The following KMT2A variants were observed in gnomAD, a reference collection of about 807,000 sequenced individuals.
KMT2A encodes the protein lysine methyltransferase 2A, also known as histone-lysine N-methyltransferase 2A.
KMT2A carries 16 observed loss-of-function variants against 345.3 expected under a neutral mutation model. That is an observed-to-expected ratio of 0.05 (90% CI 0.03 to 0.07). KMT2A has a LOEUF of 0.07. KMT2A is among the 10% of genes least tolerant of loss of function. The pLI is 1.00. For synonymous variants in KMT2A, 1,599 were observed against 1,778.6 expected (o/e 0.90, Z 2.54); for missense variants, 3,272 against 4,841.6 (o/e 0.68, Z 9.62).
chr11:118,478,785 C>T (rs1313417184), intron 5 of KMT2A, among the ~76,000 whole-genome samples: 1 of 151,968 alleles, frequency 6.6e-6, no homozygotes, highest in Admixed American at 6.6e-5. Flanking sequence ...GAGACAGGGT[C>T]TTGCTCTGTT....
intron 8 of KMT2A, among the ~76,000 whole-genome samples, chr11:118,483,790 G>T (rs9332794): frequency 0.041 from 6,285 of 152,240 alleles, 181 homozygotes; most frequent in South Asian, 0.067. Flanking sequence ...CCAGCACTTT[G>T]GGGGGCCAAG....
At chr11:118,513,541 AT>A (rs1432836323) in intron 31 of KMT2A, among the ~76,000 whole-genome samples, 2 of 151,966 alleles carry the variant, frequency 1.3e-5, no homozygotes, top group Non-Finnish European at 2.9e-5. Flanking sequence ...CACCCTGTGT[AT>A]TTTTTTATAC....
Position 118,495,028 on chromosome 11 carries a change from G to A in KMT2A, c.5363+261G>A, listed in dbSNP as rs1393100747. 2.0e-5 allele frequency among the ~76,000 whole-genome samples: 3 copies of A among 152,214 alleles called. No individual in the cohort carries two copies. The highest frequency in any genetic ancestry group is 7.2e-5 in the African/African-American group (3 of 41,454). ...TACAATACATGTGTGGTACAGCCAT[G>A]TAGCTGGCCTTGTTATAAATGGGTT... is the stretch of plus-strand genomic sequence containing the variant. On this transcript the variant is annotated intron_variant, in intron 18 of 35. Coordinates refer to ENST00000534358, the MANE Select transcript of KMT2A (RefSeq NM_001197104.2). This position sits in a 1 kb window ranked among gnomAD's most constrained non-coding sequence, Gnocchi z 4.1.
rs1555039481 is a variant in KMT2A at position 118,482,103 on chromosome 11, A to G, written c.4012+11A>G. Reference sequence around the variant, plus strand: ...CACCACCAGAATCAGGTGAGTGAGGAGGGCAAGAAGGAATTGCTGAACCAC... The same window carrying G: ...CACCACCAGAATCAGGTGAGTGAGGGGGGCAAGAAGGAATTGCTGAACCAC... On this transcript the variant is annotated intron_variant, in intron 7 of 35. Transcript: ENST00000534358. 6 of 1,582,170 alleles carry G rather than the reference A, an allele frequency of 3.8e-6. No homozygotes were observed. The highest frequency in any genetic ancestry group is 5.1e-6 in the Non-Finnish European group (6 of 1,168,298).
chr11:118,490,299 T>G lies in KMT2A; in HGVS notation c.4696+50T>G, dbSNP rs782399714. ...AGCTTTCGGAGGTTGTACTTGGTGT[T>G]CTGGAGGTGAACTAGACTCTAGTGA... is the stretch of plus-strand genomic sequence containing the variant. On this transcript the variant is annotated intron_variant, in intron 13 of 35. Transcript: ENST00000534358. The surrounding 1 kb of genome is among the most constrained non-coding windows in gnomAD (Gnocchi z 4.2). 1.1e-4 allele frequency: 173 copies of G among 1,507,702 alleles called. No individual in the cohort carries two copies. Among genetic ancestry groups the G allele is most frequent in the Admixed American group, 5.5e-4 (22 of 39,708 alleles). The allele number at this position is 1,507,702 out of a possible 1,614,324, so 93.4% of individuals were successfully genotyped here. A position where few individuals can be genotyped will look rare whatever the true frequency, so the allele number is the denominator to read the frequency against.
chr11:118,491,318 G>A lies in KMT2A; in HGVS notation c.4819G>A (p.Asp1607Asn), dbSNP rs782458108. Residue 1607 changes from aspartate to asparagine, a missense_variant and splice_region_variant, in exon 14 of 36, where the codon GAT (aspartate) becomes AAT (asparagine). This residue lies in a region of KMT2A where 120 missense variants were observed against 280.4 expected (regional missense o/e 0.43). Coordinates refer to ENST00000534358, the MANE Select transcript of KMT2A (RefSeq NM_001197104.2). The surrounding 1 kb of genome is among the most constrained non-coding windows in gnomAD (Gnocchi z 4.2). ...ATGTGAGAATCTTTCAGGTACAGAA[G>A]GTTGGAGTCTTTTTATTTCAGTTTT... ...SKCENLSGTE[D>N]EMYEILSNLP... The A allele has an allele frequency of 1.9e-6, 3 of 1,611,768 alleles. No homozygotes were observed. Among genetic ancestry groups the A allele is most frequent in the South Asian group, 2.2e-5 (2 of 90,554 alleles).
intron 29 of KMT2A, among the ~76,000 whole-genome samples, 176 bp downstream of exon 29, chr11:118,509,376 G>A (rs1555049482): frequency 6.6e-6 from 1 of 152,068 alleles, no homozygotes; most frequent in East Asian, 1.9e-4. Flanking sequence ...TCTCGGTGCA[G>A]TGTTCTTCCA....
At position 118,525,955 on chromosome 11, in the gene KMT2A, T is replaced by C. The variant is rs548175500; in HGVS notation, c.*3783T>C. The C allele has an allele frequency of 4.5e-6, 1 of 222,530 alleles. No individual in the cohort carries two copies. The highest frequency in any genetic ancestry group is 5.7e-5 in the Admixed American group (1 of 17,404). 13.8% of individuals were successfully genotyped at this position (222,530 alleles called of 1,614,324 possible). On this transcript the variant is annotated 3_prime_UTR_variant, in exon 36 of 36. Coordinates refer to ENST00000534358, the MANE Select transcript of KMT2A (RefSeq NM_001197104.2). ...CACTCTGGAAACTTGCAACTTTTTG[T>C]TTGTTTTGGTTTTCAAATAAATATA...
At position 118,478,067 on chromosome 11, in the gene KMT2A, A is replaced by G; in HGVS notation, c.3435A>G (p.Pro1145=). Residue 1145 remains proline, a synonymous_variant, in exon 5 of 36, where the codon CCA becomes CCG. Coordinates refer to ENST00000534358, the MANE Select transcript of KMT2A (RefSeq NM_001197104.2). ...VTRNKAPQEP[P]VKKGRRSRRC... ...GAAACAAGGCACCCCAGGAACCTCC[A>G]GTAAAGAAAGGACGTCGATCGAGGC... The G allele has an allele frequency of 6.2e-7, 1 of 1,614,164 alleles. No homozygotes were observed. The highest frequency in any genetic ancestry group is 8.5e-7 in the Non-Finnish European group (1 of 1,180,024).
At position 118,468,826 on chromosome 11, in the gene KMT2A, C is replaced by A; in HGVS notation, c.484C>A (p.Pro162Thr). The change falls in exon 2 of 36, where the codon CCC (proline) becomes ACC (threonine). Residue 162 changes from proline to threonine, a missense_variant. By Grantham distance (38) the Pro-to-Thr change is conservative. Coordinates refer to ENST00000534358, the MANE Select transcript of KMT2A (RefSeq NM_001197104.2). ...AGATGAAGAAGTCAGAGTGCGAAGT[C>A]CCACAAGGTCTCCTTCAGGTACGGC... ...GSDEEVRVRSPTRSPSVKTSP... is the reference protein window; with the variant it reads ...GSDEEVRVRSTTRSPSVKTSP... The A allele has an allele frequency of 6.2e-7, 1 of 1,613,018 alleles. No homozygotes were observed. The highest frequency in any genetic ancestry group is 8.5e-7 in the Non-Finnish European group (1 of 1,179,278).
At position 118,521,130 on chromosome 11, in the gene KMT2A, T is replaced by G; in HGVS notation, c.11514-158T>G. 2.6e-6 allele frequency: 2 copies of G among 757,702 alleles called. No individual in the cohort carries two copies. Among genetic ancestry groups the G allele is most frequent in the Non-Finnish European group, 4.4e-6 (2 of 457,776 alleles). The allele number at this position is 757,702 out of a possible 1,614,324, so 46.9% of individuals were successfully genotyped here. A position where few individuals can be genotyped will look rare whatever the true frequency, so the allele number is the denominator to read the frequency against. On this transcript the variant is annotated intron_variant, in intron 34 of 35. Transcript: ENST00000534358. This position sits in a 1 kb window ranked among gnomAD's most constrained non-coding sequence, Gnocchi z 5.3. ...TGGAAATAACTTTCATCTTTGGCCA[T>G]GTGTTAGATGGCCAAATCAAGTGGG...
chr11:118,482,381 C>G, intron 7 of KMT2A, 41 bp from the exon 8 acceptor site: 1 of 1,405,202 alleles, frequency 7.1e-7, no homozygotes, highest in South Asian at 1.2e-5. Flanking sequence ...CTAAAGTAGT[C>G]GTTGCCAGCA....
Position 118,506,584 on chromosome 11 carries a change from G to C in KMT2A, c.10692G>C (p.Arg3564=), listed in dbSNP as rs781851809. ...NGKKHKVSHL[R]TSSSEAHIPD... is the part of the protein sequence containing the mutation. ...AGAAGCACAAAGTTTCCCATTTGCG[G>C]ACCAGTTCTTCTGAAGCACACATTC... Residue 3564 remains arginine, a synonymous_variant, in exon 27 of 36, where the codon CGG becomes CGC. Transcript: ENST00000534358. The C allele has an allele frequency of 2.9e-5, 47 of 1,613,904 alleles. No homozygotes were observed. Among genetic ancestry groups the C allele is most frequent in the Non-Finnish European group, 3.0e-5 (35 of 1,179,944 alleles).
At position 118,460,604 on chromosome 11, in the gene KMT2A, A is replaced by G. The variant is rs146046070; in HGVS notation, c.433-8171A>G. ...CACACCCAGCCTTCAAGAGTTAAGCAAAATTTTTTATTCCAGAATATGAAT... is the reference window on the plus strand; with the variant it reads ...CACACCCAGCCTTCAAGAGTTAAGCGAAATTTTTTATTCCAGAATATGAAT... On this transcript the variant is annotated intron_variant, in intron 1 of 35. Transcript: ENST00000534358. 1.5e-3 allele frequency among the ~76,000 whole-genome samples: 233 copies of G among 152,216 alleles called. 2 individuals are homozygous for G. Among genetic ancestry groups the G allele is most frequent in the Non-Finnish European group, 2.9e-3 (194 of 68,006 alleles).
At position 118,478,109 on chromosome 11, in the gene KMT2A, C is replaced by T. The variant is rs537074714; in HGVS notation, c.3477C>T (p.Pro1159=). The change falls in exon 5 of 36, where the codon CCC becomes CCT. Residue 1159 remains proline (P), a synonymous_variant. Coordinates refer to ENST00000534358, the MANE Select transcript of KMT2A (RefSeq NM_001197104.2). The part of the protein sequence containing the change: ...GRRSRRCGQC[P]GCQVPEDCGV... Reference sequence around the variant, plus strand: ...GATCGAGGCGGTGTGGGCAGTGTCCCGGCTGCCAGGTGCCTGAGGACTGTG... The same window carrying T: ...GATCGAGGCGGTGTGGGCAGTGTCCTGGCTGCCAGGTGCCTGAGGACTGTG... 96 of 1,614,076 alleles carry T rather than the reference C, an allele frequency of 5.9e-5. No homozygotes were observed. The South Asian group carries it at 6.5e-4, about 11-fold the overall frequency.
rs781995178 is a variant in KMT2A at position 118,499,353 on chromosome 11, T to C, written c.6012T>C (p.Phe2004=). 5 of 1,612,638 alleles carry C rather than the reference T, an allele frequency of 3.1e-6. No homozygotes were observed. The highest frequency in any genetic ancestry group is 2.2e-5 in the South Asian group (2 of 91,084). Residue 2004 remains phenylalanine (F), a synonymous_variant, in exon 23 of 36, where the codon TTT becomes TTC. Coordinates refer to ENST00000534358, the MANE Select transcript of KMT2A (RefSeq NM_001197104.2). ...FEVFRRVFVD[F]EGISLRRKFL... ...TTTTCAGAAGAGTGTTTGTGGACTT[T>C]GAAGGAATCAGCTTGAGAAGGAAGT...
chr11:118,457,217 T>C (rs921479766), intron 1 of KMT2A, among the ~76,000 whole-genome samples: 2 of 144,270 alleles, frequency 1.4e-5, no homozygotes, highest in Non-Finnish European at 3.0e-5. Context: ...AACTTCAAAC[T>C]CATGAAGGCA....
rs1055782719 is a variant in KMT2A at position 118,490,485 on chromosome 11, T to C, written c.4696+236T>C. Reference sequence around the variant, plus strand: ...CTAACCACAAAGAAATCCTCTAAGCTAGTATTTCCCAAAGTGTGATATATA... The same window carrying C: ...CTAACCACAAAGAAATCCTCTAAGCCAGTATTTCCCAAAGTGTGATATATA... On this transcript the variant is annotated intron_variant, in intron 13 of 35. Transcript: ENST00000534358. The surrounding 1 kb of genome is among the most constrained non-coding windows in gnomAD (Gnocchi z 4.2). Among the ~76,000 whole-genome samples, 3 of 152,166 alleles carry C rather than the reference T, an allele frequency of 2.0e-5. No individual in the cohort carries two copies. Among genetic ancestry groups the C allele is most frequent in the Admixed American group, 1.3e-4 (2 of 15,274 alleles).
rs1192051185 is a variant in KMT2A, at chr11:118,484,414, CT to C, written c.4218+101del. 2.4e-6 allele frequency: 3 copies of C among 1,267,344 alleles called. No homozygotes were observed. The highest frequency in any genetic ancestry group is 3.3e-6 in the Non-Finnish European group (3 of 905,034). 78.5% of individuals were successfully genotyped at this position (1,267,344 alleles called of 1,614,324 possible). Reference sequence around the variant, plus strand: ...TGTTGAAAGAGGAAATCAGCACCAACTGGGGGAATGAATAAGAACTCCCATT... The same window carrying C: ...TGTTGAAAGAGGAAATCAGCACCAACGGGGGAATGAATAAGAACTCCCATT... On this transcript the variant is annotated intron_variant, in intron 9 of 35. Coordinates refer to ENST00000534358, the MANE Select transcript of KMT2A (RefSeq NM_001197104.2). The surrounding 1 kb of genome is among the most constrained non-coding windows in gnomAD (Gnocchi z 4.1).
Sources: gnomAD v4.1 joint callset for allele counts (sites outside exome capture counted in the v4.1 genomes callset) on GRCh38, gnomAD v4.1.1 for gene constraint, gnomAD v4.1.1 regional missense constraint, Gnocchi (gnomAD v3.1) non-coding constraint, MANE v1.5 for transcripts, NCBI Gene and HGNC (gene_info 2026-07-23, HGNC 2026-07-21) for gene names.